The following LRRC37A variants were observed in gnomAD, a reference collection of about 807,000 sequenced individuals.
The protein encoded by LRRC37A is leucine rich repeat containing 37A, also known as leucine-rich repeat-containing protein 37A.
A neutral mutation model predicts 35.4 loss-of-function variants in LRRC37A; 3 were observed. The observed-to-expected ratio is 0.08, with a 90% CI of 0.04 to 0.22. The LOEUF (loss-of-function observed/expected upper bound fraction) is 0.22. LRRC37A is among the 10% of genes least tolerant of loss of function. The pLI, the probability that LRRC37A is intolerant of heterozygous loss-of-function variation, is 1.00. For missense variants in LRRC37A, 67 were observed against 565.3 expected (o/e 0.12, Z 8.94); for synonymous variants, 23 against 215.0 (o/e 0.11, Z 7.81).
At chr17:46,249,581 C>A in the LRRC37A span, among the ~76,000 whole-genome samples, 3 of 152,152 alleles carry the variant, frequency 2.0e-5, no homozygotes, top group African/African-American at 7.2e-5. Flanking sequence ...CTTCTTGTTG[C>A]CAACAATGGA....
At chr17:46,270,068 C>T in the LRRC37A span, among the ~76,000 whole-genome samples, 1 of 152,322 alleles carries the variant, frequency 6.6e-6, no homozygotes, top group East Asian at 1.9e-4. Flanking sequence ...GGCTGTACTT[C>T]AGTTTATAAG....
the LRRC37A span, among the ~76,000 whole-genome samples, chr17:46,272,420 TTTA>T: frequency 2.0e-5 from 3 of 152,212 alleles, no homozygotes; most frequent in Non-Finnish European, 4.4e-5. Flanking sequence ...TTCTTTCTTT[TTTA>T]TTTTTTTTGA....
the LRRC37A span, among the ~76,000 whole-genome samples, chr17:46,259,019 A>ATTTTCTTTTTTTTTTT: frequency 1.3e-5 from 1 of 79,468 alleles, no homozygotes. Context: ...CACCCGGCCT[A>ATTTTCTTTTTTTTTTT]TTTTTTTTTT....
At chr17:46,286,698 G>A in the LRRC37A span, among the ~76,000 whole-genome samples, 1 of 152,236 alleles carries the variant, frequency 6.6e-6, no homozygotes, top group African/African-American at 2.4e-5. Flanking sequence ...TATAACAAAT[G>A]TAGAAAAAAT....
the LRRC37A span, among the ~76,000 whole-genome samples, chr17:46,287,726 A>G: frequency 3.9e-5 from 6 of 152,356 alleles, 1 homozygote. Flanking sequence ...TCAGTTCAAC[A>G]TCGGGGACAT....
the LRRC37A span, among the ~76,000 whole-genome samples, chr17:46,249,258 G>A: frequency 1.3e-5 from 2 of 152,284 alleles, no homozygotes; most frequent in Admixed American, 6.5e-5. Context: ...GCCAGATGTG[G>A]TGGCACACAC....
At chr17:46,282,673 C>T in the LRRC37A span, among the ~76,000 whole-genome samples, 3 of 152,016 alleles carry the variant, frequency 2.0e-5, no homozygotes, top group South Asian at 2.1e-4. Flanking sequence ...TCTCCCCACT[C>T]GGCTTCCCAA....
At chr17:46,286,982 C>A in the LRRC37A span, among the ~76,000 whole-genome samples, 3 of 152,222 alleles carry the variant, frequency 2.0e-5, no homozygotes, top group Non-Finnish European at 4.4e-5. Flanking sequence ...GTATTCACAA[C>A]GAAAATGACA....
the LRRC37A span, among the ~76,000 whole-genome samples, chr17:46,257,778 T>C: frequency 8.0e-5 from 12 of 150,226 alleles, no homozygotes; most frequent in East Asian, 1.4e-3. Flanking sequence ...GCCATGATCA[T>C]ACCACTGCAC....
At chr17:46,321,357 G>GGAA (rs1555618740) in intron 5 of LRRC37A, among the ~76,000 whole-genome samples, 1 of 31,356 alleles carries the variant, frequency 3.2e-5, no homozygotes, top group Non-Finnish European at 4.3e-5. Context: ...CTCCGTCTCA[G>GGAA]AAAAAAAAAA....
chr17:46,289,362 TG>T (rs1346210148), upstream of LRRC37A, among the ~76,000 whole-genome samples: 1 of 152,070 alleles, frequency 6.6e-6, no homozygotes, highest in Non-Finnish European at 1.5e-5. Flanking sequence ...TTTGTAGAGA[TG>T]GAGTCTTGCT....
intron 1 of LRRC37A, among the ~76,000 whole-genome samples, chr17:46,298,824 G>C (rs2050254804): frequency 1.6e-5 from 1 of 61,304 alleles, no homozygotes; most frequent in African/African-American, 4.1e-5. Flanking sequence ...GCAGACCATT[G>C]GTGCTAGAAT....
At chr17:46,253,507 G>T in the LRRC37A span, among the ~76,000 whole-genome samples, 10 of 152,210 alleles carry the variant, frequency 6.6e-5, no homozygotes, top group African/African-American at 2.4e-4. Context: ...GGCACCTCGG[G>T]AGGCCGAGGC....
intron 7 of LRRC37A, among the ~76,000 whole-genome samples, chr17:46,327,955 C>T (rs1390379886): frequency 1.5e-5 from 1 of 65,204 alleles, no homozygotes; most frequent in African/African-American, 3.5e-5. Context: ...TTTTTAACTC[C>T]GCAATCCAGG....
chr17:46,263,924 T>G, the LRRC37A span, among the ~76,000 whole-genome samples: 20 of 151,526 alleles, frequency 1.3e-4, no homozygotes, highest in South Asian at 1.3e-3. Flanking sequence ...CTTGGACTCC[T>G]GACCTCAAGT....
chr17:46,249,078 A>T, the LRRC37A span, among the ~76,000 whole-genome samples: 12 of 152,190 alleles, frequency 7.9e-5, no homozygotes, highest in South Asian at 2.3e-3. Flanking sequence ...ATATACAAAC[A>T]TTATGTCATT....
chr17:46,248,162 A>G, the LRRC37A span, among the ~76,000 whole-genome samples: 1 of 151,902 alleles, frequency 6.6e-6, no homozygotes, highest in African/African-American at 2.4e-5. Flanking sequence ...GAAAAACTGT[A>G]AGTTATTTTT....
At chr17:46,261,346 T>C in the LRRC37A span, among the ~76,000 whole-genome samples, 1 of 152,232 alleles carries the variant, frequency 6.6e-6, no homozygotes, top group Non-Finnish European at 1.5e-5. Flanking sequence ...ACATGGTATG[T>C]GAATACCAGA....
chr17:46,286,300 T>C, the LRRC37A span, among the ~76,000 whole-genome samples: 3 of 152,258 alleles, frequency 2.0e-5, no homozygotes, highest in Non-Finnish European at 4.4e-5. Flanking sequence ...AAGAACACTG[T>C]AATTTTGGAG....
Sources: gnomAD v4.1 joint callset for allele counts (sites outside exome capture counted in the v4.1 genomes callset) on GRCh38, gnomAD v4.1.1 for gene constraint, MANE v1.5 for transcripts, NCBI Gene and HGNC (gene_info 2026-07-23, HGNC 2026-07-21) for gene names.